Variants in NPHS1 observed in about 807,000 individuals in gnomAD.
NPHS1 encodes the protein nephrin.
Under a neutral mutation model 139.7 loss-of-function variants are expected in NPHS1, and 107 were observed. The ratio of observed to expected loss-of-function variants is 0.77; its 90% CI spans 0.66 to 0.90. NPHS1 has a LOEUF of 0.90. Among genes scored for constraint, NPHS1 ranks in the 40% least tolerant of loss-of-function variants. NPHS1 has a pLI of 0.00. For synonymous variants in NPHS1, 707 were observed against 706.6 expected (o/e 1.00, Z -0.01); for missense variants, 1,580 against 1,654.2 (o/e 0.96, Z 0.78).
chr19:35,852,304 GTC>G lies in NPHS1; in HGVS notation c.-469_-468del, dbSNP rs139954720. 0.087 allele frequency among the ~76,000 whole-genome samples: 12,542 copies of G among 144,406 alleles called. 967 individuals carry two copies. The highest frequency in any genetic ancestry group is 0.22 in the African/African-American group (8,551 of 39,740). The allele number at this position is 144,406 out of a possible 152,430, so 94.7% of individuals were successfully genotyped here. ...TGTCTCTGTCTCTTCCTCTCTCTCTGTCTCTCTCTCTCTCTCTCTCTCAATCT... is the reference window on the plus strand; with the variant it reads ...TGTCTCTGTCTCTTCCTCTCTCTCTGTCTCTCTCTCTCTCTCTCTCAATCT... On this transcript the variant is annotated 5_prime_UTR_variant, in exon 1 of 29. Transcript: ENST00000378910.
intron 23 of NPHS1, among the ~76,000 whole-genome samples, chr19:35,833,020 G>T (rs1026586626): frequency 2.7e-5 from 4 of 150,100 alleles, no homozygotes; most frequent in African/African-American, 7.3e-5. Flanking sequence ...AAGTAGCTGG[G>T]ATTACAGGCG....
Position 35,845,363 on chromosome 19 carries a change from C to T in NPHS1, c.1930+5G>A, listed in dbSNP as rs1017855149. On this transcript the variant is annotated splice_donor_5th_base_variant and intron_variant, in intron 14 of 28. Coordinates refer to ENST00000378910, the MANE Select transcript of NPHS1 (RefSeq NM_004646.4). The surrounding 1 kb of genome is among the most constrained non-coding windows in gnomAD (Gnocchi z 5.5). ...CGAGAGGGGCTTTCAGGCCGGGGCA[C>T]ATACACAGTACGTTGAGGCGATAGA... 2 of 1,614,132 alleles carry T rather than the reference C, an allele frequency of 1.2e-6. No individual in the cohort carries two copies. The highest frequency in any genetic ancestry group is 1.7e-6 in the Non-Finnish European group (2 of 1,180,052).
chr19:35,845,902 C>G lies in NPHS1; in HGVS notation c.1628-104G>C. Reference sequence around the variant, plus strand: ...CTCCGCCCAGTCTCGGGTCCCCCACCCCGCCTCCGCCCGCTTTCCCCGGGT... The same window carrying G: ...CTCCGCCCAGTCTCGGGTCCCCCACGCCGCCTCCGCCCGCTTTCCCCGGGT... On this transcript the variant is annotated intron_variant, in intron 12 of 28. Coordinates refer to ENST00000378910, the MANE Select transcript of NPHS1 (RefSeq NM_004646.4). This position sits in a 1 kb window ranked among gnomAD's most constrained non-coding sequence, Gnocchi z 5.5. 6.6e-7 allele frequency: 1 copy of G among 1,523,266 alleles called. No homozygotes were observed. Among genetic ancestry groups the G allele is most frequent in the Non-Finnish European group, 8.8e-7 (1 of 1,132,552 alleles). 94.4% of individuals were successfully genotyped at this position (1,523,266 alleles called of 1,614,324 possible). A position where few individuals can be genotyped will look rare whatever the true frequency, so the allele number is the denominator to read the frequency against.
Position 35,831,486 on chromosome 19 carries a change from T to A in NPHS1, c.3301A>T (p.Thr1101Ser). 1 of 1,613,922 alleles carries A rather than the reference T, an allele frequency of 6.2e-7. No homozygotes were observed. The highest frequency in any genetic ancestry group is 2.2e-5 in the East Asian group (1 of 44,852). Residue 1101 changes from threonine (T) to serine (S), a missense_variant, in exon 25 of 29, where the codon ACA (threonine) becomes TCA (serine). Transcript: ENST00000378910. ...AATATCCCCACTTACCCTGCCTCTG[T>A]CTTCTCTGAGATGCCTGAAGGAAAC... ...RRLAEGISEK[T>S]EAGSEEDRVR... is the part of the protein sequence containing the mutation.
chr19:35,850,064 C>T lies in NPHS1; in HGVS notation c.608+300G>A, dbSNP rs190154029. Among the ~76,000 whole-genome samples, 6 of 152,208 alleles carry T rather than the reference C, an allele frequency of 3.9e-5. No individual in the cohort carries two copies. The East Asian group carries it at 7.7e-4, about 20-fold the overall frequency. ...CTGAGGAGCTGGGAGTACAGGCATG[C>T]GCCACCACACCCGGCTAATTTTTGT... On this transcript the variant is annotated intron_variant, in intron 5 of 28. Coordinates refer to ENST00000378910, the MANE Select transcript of NPHS1 (RefSeq NM_004646.4).
At chr19:35,836,611 G>C (rs993757048) in intron 22 of NPHS1, among the ~76,000 whole-genome samples, 2 of 152,056 alleles carry the variant, frequency 1.3e-5, no homozygotes, top group East Asian at 1.9e-4. Flanking sequence ...AGTGGGGTGG[G>C]GGGAAGAGCA....
rs1236199745 is a variant in NPHS1, at chr19:35,845,211, A to C, written c.1930+157T>G. On this transcript the variant is annotated intron_variant, in intron 14 of 28. Coordinates refer to ENST00000378910, the MANE Select transcript of NPHS1 (RefSeq NM_004646.4). This position sits in a 1 kb window ranked among gnomAD's most constrained non-coding sequence, Gnocchi z 5.5. Reference sequence around the variant, plus strand: ...CTTGAGCTCAGGAGTTGGAGACTGCAGTGACCTATGATTGCGTCACTGCAT... The same window carrying C: ...CTTGAGCTCAGGAGTTGGAGACTGCCGTGACCTATGATTGCGTCACTGCAT... Among the ~76,000 whole-genome samples the C allele has an allele frequency of 2.0e-5, 3 of 152,184 alleles. No individual in the cohort carries two copies. Among genetic ancestry groups the C allele is most frequent in the Non-Finnish European group, 4.4e-5 (3 of 68,032 alleles).
chr19:35,845,550 CG>C lies in NPHS1; in HGVS notation c.1758-11del, dbSNP rs1568454545. 1 of 1,603,482 alleles carries C rather than the reference CG, an allele frequency of 6.2e-7. No homozygotes were observed. The highest frequency in any genetic ancestry group is 1.1e-5 in the South Asian group (1 of 90,652). ...GGCCACGCCCTCCAGCCTGTGGAAC[CG>C]GGGTCAAGCCAGGGCTGCGAGCGGA... On this transcript the variant is annotated splice_polypyrimidine_tract_variant and intron_variant, in intron 13 of 28. Transcript: ENST00000378910. This position sits in a 1 kb window ranked among gnomAD's most constrained non-coding sequence, Gnocchi z 5.5.
At chr19:35,834,451 G>T (rs1359562762) in intron 23 of NPHS1, among the ~76,000 whole-genome samples, 1 of 152,170 alleles carries the variant, frequency 6.6e-6, no homozygotes, top group African/African-American at 2.4e-5. Context: ...GTTGCTATAA[G>T]CACCCATGTT....
At chr19:35,837,821 C>T (rs1376264602) in intron 22 of NPHS1, among the ~76,000 whole-genome samples, 1 of 151,014 alleles carries the variant, frequency 6.6e-6, no homozygotes, top group Non-Finnish European at 1.5e-5. Flanking sequence ...AGGCTGGTCT[C>T]AAACTCCCGA....
In NPHS1 at chr19:35,831,356, T is replaced by C; in HGVS notation, c.3327A>G (p.Arg1109=). ...EKTEAGSEED[R]VRNEYEESQW... ...GGCTCTCCTCATATTCGTTCCTGAC[T>C]CGGTCCTCTTCCGACCTTCCAGGAT... The change falls in exon 26 of 29, where the codon CGA becomes CGG. Residue 1109 remains arginine (R), a synonymous_variant. Coordinates refer to ENST00000378910, the MANE Select transcript of NPHS1 (RefSeq NM_004646.4). 2 of 1,614,002 alleles carry C rather than the reference T, an allele frequency of 1.2e-6. No individual in the cohort carries two copies. The highest frequency in any genetic ancestry group is 1.7e-6 in the Non-Finnish European group (2 of 1,179,984).
chr19:35,846,263 C>G, intron 11 of NPHS1, 69 bp from the exon 12 acceptor site: 3 of 1,500,300 alleles, frequency 2.0e-6, no homozygotes, highest in South Asian at 2.4e-5. Context: ...ACCCCCCTAC[C>G]CTGCCCACTG....
chr19:35,835,138 T>C (rs1310935169), intron 23 of NPHS1, among the ~76,000 whole-genome samples: 2 of 138,666 alleles, frequency 1.4e-5, no homozygotes, highest in Non-Finnish European at 3.1e-5. Context: ...AGGTGGAGGT[T>C]GCAGTGAGCC....
At position 35,850,348 on chromosome 19, in the gene NPHS1, G is replaced by A; in HGVS notation, c.608+16C>T. On this transcript the variant is annotated intron_variant, in intron 5 of 28. Transcript: ENST00000378910. ...AATTAGGGGTCAAGGTTGGGGGGTT[G>A]TTTCAGTTTCCACACCTGGCTGTGG... 6.2e-7 allele frequency: 1 copy of A among 1,610,290 alleles called. No individual in the cohort carries two copies.
chr19:35,842,374 C>T lies in NPHS1; in HGVS notation c.2506+5G>A. On this transcript the variant is annotated splice_donor_5th_base_variant and intron_variant, in intron 18 of 28. Coordinates refer to ENST00000378910, the MANE Select transcript of NPHS1 (RefSeq NM_004646.4). ...CTTGAAGTCAGGTGTTTGGGTAATA[C>T]CCACATCTGACAACAAGACGGAGCA... 6.2e-7 allele frequency: 1 copy of T among 1,613,618 alleles called. No homozygotes were observed.
intron 11 of NPHS1, among the ~76,000 whole-genome samples, chr19:35,846,726 G>A (rs1973148556): frequency 6.6e-6 from 1 of 151,984 alleles, no homozygotes; most frequent in Non-Finnish European, 1.5e-5. Context: ...ATAGATTTCT[G>A]AATCTTTCCC....
intron 22 of NPHS1, among the ~76,000 whole-genome samples, chr19:35,836,354 T>A (rs1249842927): frequency 6.6e-6 from 1 of 150,592 alleles, no homozygotes; most frequent in Non-Finnish European, 1.5e-5. Flanking sequence ...ACCTCCTGGG[T>A]TCAAGCTATC....
rs1327090297 is a variant in NPHS1, at chr19:35,833,062, T to TG, written c.3167-1301_3167-1300insC. ...ACCACACCCGGCTAATTTTTTTTTT[T>TG]TTTGTATTTTTAATAGAGACGGAGT... On this transcript the variant is annotated intron_variant, in intron 23 of 28. Transcript: ENST00000378910. 4.5e-3 allele frequency among the ~76,000 whole-genome samples: 676 copies of TG among 150,248 alleles called. 5 individuals carry two copies. Among genetic ancestry groups the TG allele is most frequent in the South Asian group, 7.5e-3 (35 of 4,684 alleles).
At chr19:35,827,994 T>C (rs1972820715) in intron 28 of NPHS1, among the ~76,000 whole-genome samples, 1 of 152,194 alleles carries the variant, frequency 6.6e-6, no homozygotes, top group South Asian at 2.1e-4. Context: ...AACTGTGGAA[T>C]GTAAGTTATG....
Sources: allele counts gnomAD v4.1 joint callset (sites outside exome capture counted in the v4.1 genomes callset), GRCh38; gene constraint gnomAD v4.1.1; non-coding constraint Gnocchi (gnomAD v3.1); transcripts MANE v1.5; gene names NCBI Gene and HGNC (gene_info 2026-07-23, HGNC 2026-07-21).